Variants in TP53BP1 observed in about 807,000 individuals in gnomAD.
TP53BP1 encodes TP53-binding protein 1.
TP53BP1 carries 61 observed loss-of-function variants against 200.8 expected under a neutral mutation model. That is an observed-to-expected ratio of 0.30 (90% CI 0.25 to 0.38). The LOEUF (loss-of-function observed/expected upper bound fraction) is 0.38. TP53BP1 is among the 10% of genes least tolerant of loss of function. TP53BP1 has a pLI of 1.00. For missense variants in TP53BP1, 2,144 were observed against 2,371.9 expected, an observed-to-expected ratio of 0.90 and a Z score of 2.00; for synonymous variants, 822 against 844.3, an observed-to-expected ratio of 0.97 and a Z score of 0.46.
intron 18 of TP53BP1, among the ~76,000 whole-genome samples, chr15:43,423,344 T>C (rs1304468548): frequency 6.6e-6 from 1 of 151,746 alleles, no homozygotes; most frequent in Non-Finnish European, 1.5e-5. Context: ...AGATAGATCC[T>C]TCCCTCAAAG....
In TP53BP1 at chr15:43,420,443, C is replaced by T. The variant is rs2142991145; in HGVS notation, c.4543G>A (p.Val1515Ile). The change falls in exon 21 of 28, where the codon GTC becomes ATC. Residue 1515 changes from valine to isoleucine, a missense_variant. This residue lies in a region of TP53BP1 where 61 missense variants were observed against 147.5 expected (regional missense o/e 0.41). Transcript: ENST00000382044. ...AGCAATTTATACTTCCCAGCTCCGA[C>T]ATCTCGTGTGATTTTCCCAGAGTAA... is the stretch of plus-strand genomic sequence containing the variant. ...YFYSGKITRD[V>I]GAGKYKLLFD... 6.2e-7 allele frequency: 1 copy of T among 1,614,200 alleles called. No homozygotes were observed. Among genetic ancestry groups the T allele is most frequent in the Non-Finnish European group, 8.5e-7 (1 of 1,180,042 alleles).
At chr15:43,430,747 ATAATGT>A (rs2045650294) in intron 17 of TP53BP1, among the ~76,000 whole-genome samples, 1 of 152,218 alleles carries the variant, frequency 6.6e-6, no homozygotes, top group Admixed American at 6.5e-5. Flanking sequence ...ATACAGACCT[ATAATGT>A]TTATAAATCA....
At chr15:43,467,922 T>G (rs1448301116) in intron 11 of TP53BP1, among the ~76,000 whole-genome samples, 1 of 152,128 alleles carries the variant, frequency 6.6e-6, no homozygotes, top group Non-Finnish European at 1.5e-5. Flanking sequence ...TAGCTGGGAC[T>G]ACAGGTGCGT....
intron 21 of TP53BP1, 47 bp downstream of exon 21, chr15:43,420,258 G>A: frequency 6.5e-7 from 1 of 1,549,348 alleles, no homozygotes; most frequent in Non-Finnish European, 8.8e-7. Flanking sequence ...GAGTATTATT[G>A]CCCCAAGGCA....
chr15:43,499,288 T>C (rs1200804264), intron 1 of TP53BP1, among the ~76,000 whole-genome samples: 1 of 152,034 alleles, frequency 6.6e-6, no homozygotes, highest in Non-Finnish European at 1.5e-5. Flanking sequence ...GGGAGGAGGA[T>C]GAGAATCAAA....
chr15:43,509,736 T>C (rs562500090), intron 1 of TP53BP1, among the ~76,000 whole-genome samples: 1 of 152,112 alleles, frequency 6.6e-6, no homozygotes, highest in Non-Finnish European at 1.5e-5. Flanking sequence ...ATGCAGACAC[T>C]GCCCAATCAG....
intron 12 of TP53BP1, among the ~76,000 whole-genome samples, chr15:43,454,118 T>G (rs937222471): frequency 6.6e-6 from 1 of 151,410 alleles, no homozygotes; most frequent in Non-Finnish European, 1.5e-5. Context: ...GGCAGGAGAA[T>G]TGCTTGAACC....
At chr15:43,426,019 A>G (rs1474049119) in intron 18 of TP53BP1, among the ~76,000 whole-genome samples, 1 of 149,134 alleles carries the variant, frequency 6.7e-6, no homozygotes, top group Non-Finnish European at 1.5e-5. Context: ...GAGCCGAGGT[A>G]GCGCCACTGC....
chr15:43,420,867 C>A (rs1363869670), intron 20 of TP53BP1, 132 bp from the exon 21 acceptor site: 2 of 1,285,724 alleles, frequency 1.6e-6, no homozygotes, highest in African/African-American at 3.0e-5. Flanking sequence ...CAGGCATGAG[C>A]CTGGTCTCTC....
At chr15:43,483,875 T>C (rs2079009548) in intron 4 of TP53BP1, among the ~76,000 whole-genome samples, 1 of 152,234 alleles carries the variant, frequency 6.6e-6, no homozygotes, top group South Asian at 2.1e-4. Flanking sequence ...TAAATGCTGG[T>C]AGGCTCCGTG....
chr15:43,468,839 TCTGA>T (rs2046652102), intron 11 of TP53BP1, among the ~76,000 whole-genome samples: 1 of 152,216 alleles, frequency 6.6e-6, no homozygotes, highest in Non-Finnish European at 1.5e-5. Flanking sequence ...TCCAGGAAGT[TCTGA>T]CTCTAGAGTC....
At chr15:43,408,340 G>C in intron 26 of TP53BP1, 1 of 376,106 alleles carries the variant, frequency 2.7e-6, no homozygotes, top group South Asian at 3.1e-5. Flanking sequence ...AATTAGCTGG[G>C]TGTGGTGGCG....
rs568037106 is a variant in TP53BP1 at position 43,441,558 on chromosome 15, A to G, written c.3066T>C (p.Asn1022=). 5.0e-6 allele frequency: 8 copies of G among 1,613,690 alleles called. No individual in the cohort carries two copies. In the South Asian group the frequency reaches 8.8e-5, roughly 18 times the overall value. Residue 1022 remains asparagine, a synonymous_variant, in exon 15 of 28, where the codon AAT becomes AAC. Transcript: ENST00000382044. ...LEKPATGERK[N]GSTAVAESVA... ...CAGACTCAGCAACAGCAGTAGATCC[A>G]TTTTTTCTTTCACCAGTTGCAGGCT...
At chr15:43,446,999 C>A in intron 13 of TP53BP1, 1 of 512,250 alleles carries the variant, frequency 2.0e-6, no homozygotes, top group Admixed American at 2.3e-5. Context: ...TGTCAAGCAG[C>A]AGACTGACTA....
intron 15 of TP53BP1, chr15:43,441,298 G>A: frequency 2.3e-6 from 1 of 427,322 alleles, no homozygotes; most frequent in Non-Finnish European, 4.2e-6. Flanking sequence ...ATGAACAAAA[G>A]TAAAGACATT....
chr15:43,460,778 T>C (rs2046410665), intron 11 of TP53BP1, among the ~76,000 whole-genome samples: 1 of 152,046 alleles, frequency 6.6e-6, no homozygotes, highest in South Asian at 2.1e-4. Flanking sequence ...ATCCCAACAC[T>C]TTGGAAGGCC....
At chr15:43,449,309 A>C (rs2046113951) in intron 12 of TP53BP1, among the ~76,000 whole-genome samples, 2 of 152,234 alleles carry the variant, frequency 1.3e-5, no homozygotes, top group African/African-American at 4.8e-5. Context: ...AGAACTTAGA[A>C]GAGATACAGA....
Position 43,479,482 on chromosome 15 carries a change from C to T in TP53BP1, c.703G>A (p.Glu235Lys). The T allele has an allele frequency of 6.2e-7, 1 of 1,613,780 alleles. No individual in the cohort carries two copies. The highest frequency in any genetic ancestry group is 8.5e-7 in the Non-Finnish European group (1 of 1,179,892). The change falls in exon 7 of 28, where the codon GAA becomes AAA. Residue 235 changes from glutamate (E) to lysine (K), a missense_variant. Physicochemically the swap from Glu to Lys is moderately conservative, Grantham distance 56. Around this residue, in one of 4 missense-constraint regions of TP53BP1, gnomAD observed 1,700 missense variants for 1,710.3 expected, o/e 0.99. Coordinates refer to ENST00000382044, the MANE Select transcript of TP53BP1 (RefSeq NM_001141980.3). Reference sequence around the variant, plus strand: ...ACAGGGATGTCCTTGCTGGACTGTTCTGCTATGGGGATATCTTCGTTGGAC... The same window carrying T: ...ACAGGGATGTCCTTGCTGGACTGTTTTGCTATGGGGATATCTTCGTTGGAC... ...EQSNEDIPIAEQSSKDIPVTA... is the reference protein window; with the variant it reads ...EQSNEDIPIAKQSSKDIPVTA...
At chr15:43,462,088 T>C (rs896698297) in intron 11 of TP53BP1, among the ~76,000 whole-genome samples, 12 of 150,436 alleles carry the variant, frequency 8.0e-5, no homozygotes, top group African/African-American at 2.2e-4. Context: ...TCCCAGCACA[T>C]TGGGAGGCTG....
Sources: gnomAD v4.1 joint callset for allele counts (sites outside exome capture counted in the v4.1 genomes callset) on GRCh38, gnomAD v4.1.1 for gene constraint, gnomAD v4.1.1 regional missense constraint, MANE v1.5 for transcripts, NCBI Gene and HGNC (gene_info 2026-07-23, HGNC 2026-07-21) for gene names.